MEAK7: variants seen among roughly 807,000 people sequenced by gnomAD.
The protein encoded by MEAK7 is MTOR associated protein MEAK7.
MEAK7 carries 68 observed loss-of-function variants against 40.5 expected under a neutral mutation model. That is an observed-to-expected ratio of 1.68 (90% CI 1.38 to 2.06). The LOEUF (loss-of-function observed/expected upper bound fraction) is 2.06, where lower values mean the gene tolerates loss of function less well. MEAK7 is among the 30% of genes most tolerant of loss of function. The pLI is 0.00. For missense variants in MEAK7, 918 were observed against 580.5 expected, an observed-to-expected ratio of 1.58 and a Z score of -5.98; for synonymous variants, 338 against 231.9, an observed-to-expected ratio of 1.46 and a Z score of -4.16.
At chr16:84,491,411 C>T (rs1913588106) in intron 3 of MEAK7, among the ~76,000 whole-genome samples, 1 of 152,020 alleles carries the variant, frequency 6.6e-6, no homozygotes, top group African/African-American at 2.4e-5. Context: ...TGGTGACACA[C>T]ACCTGTAATC....
chr16:84,494,159 T>C (rs746704926), intron 3 of MEAK7, among the ~76,000 whole-genome samples: 2 of 152,244 alleles, frequency 1.3e-5, no homozygotes, highest in African/African-American at 2.4e-5. Context: ...ATTATCACTG[T>C]TGCTGCACTT....
chr16:84,485,663 C>CTACCT (rs1357237005), intron 5 of MEAK7, among the ~76,000 whole-genome samples: 38,883 of 146,788 alleles, frequency 0.26, 6,516 homozygotes, highest in Middle Eastern at 0.42. Flanking sequence ...TCCATCCATC[C>CTACCT]ATCTATCTAC....
At chr16:84,503,903 A>ACT (rs1735386177) in intron 1 of MEAK7, 1 of 983,146 alleles carries the variant, frequency 1.0e-6, no homozygotes. Context: ...CCAAGCTCCA[A>ACT]CTCTCTACTC....
In MEAK7 at chr16:84,486,723, C is replaced by A; in HGVS notation, c.866G>T (p.Arg289Leu). The A allele has an allele frequency of 6.2e-7, 1 of 1,613,980 alleles. No individual in the cohort carries two copies. The highest frequency in any genetic ancestry group is 1.3e-5 in the African/African-American group (1 of 75,034). ...FSQLCGHITHRGPCVAVLEDH... is the reference protein window; with the variant it reads ...FSQLCGHITHLGPCVAVLEDH... ...CTCGAGGACAGCCACACAGGGTCCC[C>A]GGTGAGTGATGTGGCCACAGAGCTG... Residue 289 changes from arginine (R) to leucine (L), a missense_variant, in exon 5 of 8, where the codon CGG becomes CTG. By Grantham distance (102) the Arg-to-Leu change is moderately radical (BLOSUM62 -2). Transcript: ENST00000343629.
chr16:84,501,874 G>C (rs1344099432), intron 1 of MEAK7, among the ~76,000 whole-genome samples: 1 of 152,240 alleles, frequency 6.6e-6, no homozygotes, highest in East Asian at 1.9e-4. Flanking sequence ...CAATGGTGTG[G>C]TGGCTCACGC....
intron 3 of MEAK7, 113 bp from the exon 4 acceptor site, chr16:84,489,535 T>C: frequency 7.9e-7 from 1 of 1,259,916 alleles, no homozygotes; most frequent in South Asian, 1.5e-5. Context: ...TGGGCCACAA[T>C]GTGGGGAAAG....
At chr16:84,491,614 G>C (rs1392887296) in intron 3 of MEAK7, among the ~76,000 whole-genome samples, 1 of 150,570 alleles carries the variant, frequency 6.6e-6, no homozygotes, top group East Asian at 2.0e-4. Context: ...CGAGGCAGGT[G>C]GATCACGAGG....
At chr16:84,502,815 A>T (rs1914611794) in intron 1 of MEAK7, 1 of 152,196 alleles carries the variant, frequency 6.6e-6, no homozygotes, top group African/African-American at 2.4e-5. Flanking sequence ...GGTCGCAGTG[A>T]GCCAAGATCA....
At chr16:84,484,204 A>G (rs1473092251) in intron 5 of MEAK7, among the ~76,000 whole-genome samples, 3 of 152,218 alleles carry the variant, frequency 2.0e-5, no homozygotes, top group Admixed American at 1.3e-4. Context: ...CTCCATAGGG[A>G]AAGCCAGGAG....
intron 3 of MEAK7, among the ~76,000 whole-genome samples, chr16:84,490,647 A>G (rs1913503778): frequency 3.2e-5 from 2 of 62,066 alleles, no homozygotes; most frequent in African/African-American, 6.1e-5. Flanking sequence ...ATTAAAAGCT[A>G]ATCAAGATGT....
Position 84,495,926 on chromosome 16 carries a change from A to C in MEAK7, c.154-13T>G. 1 of 1,613,424 alleles carries C rather than the reference A, an allele frequency of 6.2e-7. No homozygotes were observed. The highest frequency in any genetic ancestry group is 1.1e-5 in the South Asian group (1 of 91,076). On this transcript the variant is annotated splice_polypyrimidine_tract_variant and intron_variant, in intron 2 of 7. Coordinates refer to ENST00000343629, the MANE Select transcript of MEAK7 (RefSeq NM_020947.4). ...CCCCGACGTGGTTCTGCCGGGGACA[A>C]GCAGAAAAATATGGTTAGACAGTGC...
intron 2 of MEAK7, among the ~76,000 whole-genome samples, chr16:84,496,137 G>A (rs550403764): frequency 6.8e-4 from 104 of 152,308 alleles, no homozygotes; most frequent in African/African-American, 2.4e-3. Context: ...CACCCACCAA[G>A]GTGATTCCCA....
chr16:84,489,393 C>T lies in MEAK7; in HGVS notation c.414G>A (p.Val138=). 6.2e-7 allele frequency: 1 copy of T among 1,613,556 alleles called. No individual in the cohort carries two copies. The highest frequency in any genetic ancestry group is 8.5e-7 in the Non-Finnish European group (1 of 1,179,758). ...GCTCCTGTCTGTGGCTTAGCACGTG[C>T]ACCACAGAGCCAACCAGATCCTCTG... The part of the protein sequence containing the change: ...KFTEDLVGSV[V]HVLSHRQELR... Residue 138 remains valine, a synonymous_variant, in exon 4 of 8, where the codon GTG becomes GTA. Transcript: ENST00000343629.
intron 4 of MEAK7, chr16:84,488,428 T>A (rs1913281919): frequency 6.6e-6 from 1 of 152,206 alleles, no homozygotes; most frequent in Admixed American, 6.5e-5. Flanking sequence ...CACAAGGTTT[T>A]TTTTTTTAAT....
intron 3 of MEAK7, among the ~76,000 whole-genome samples, chr16:84,491,910 A>T (rs867718689): frequency 1.6e-4 from 24 of 152,190 alleles, no homozygotes; most frequent in South Asian, 8.3e-4. Context: ...TATCCATGTA[A>T]CATTTTGTAT....
chr16:84,483,507 T>A (rs1271929571), intron 5 of MEAK7, among the ~76,000 whole-genome samples: 8 of 152,020 alleles, frequency 5.3e-5, no homozygotes, highest in African/African-American at 1.9e-4. Flanking sequence ...CTCATGGGAA[T>A]TTGGGGTTGG....
chr16:84,497,297 C>G (rs1411429746), intron 2 of MEAK7: 16 of 737,460 alleles, frequency 2.2e-5, no homozygotes, highest in Non-Finnish European at 3.0e-5. Flanking sequence ...CTGAGAGCCC[C>G]ATGGAACGGG....
At chr16:84,504,565 G>C (rs1914746353) in intron 1 of MEAK7, 36 bp downstream of exon 1, 3 of 982,952 alleles carry the variant, frequency 3.1e-6, no homozygotes, top group Non-Finnish European at 3.6e-6. Context: ...TGCGCCTCTG[G>C]GTCAGCTCAC....
intron 1 of MEAK7, among the ~76,000 whole-genome samples, chr16:84,502,466 T>C (rs1789750148): frequency 6.6e-6 from 1 of 152,056 alleles, no homozygotes; most frequent in Non-Finnish European, 1.5e-5. Context: ...GAAGCGGAAC[T>C]TGATACAAGG....
Sources: allele counts gnomAD v4.1 joint callset (sites outside exome capture counted in the v4.1 genomes callset), GRCh38; gene constraint gnomAD v4.1.1; transcripts MANE v1.5; gene names NCBI Gene and HGNC (gene_info 2026-07-23, HGNC 2026-07-21).